The following SYNE2 variants were observed in gnomAD, a reference collection of about 807,000 sequenced individuals.
SYNE2 encodes the protein spectrin repeat containing nuclear envelope protein 2.
In SYNE2, 431 loss-of-function variants were observed where a neutral mutation model predicts 856.3. That is an observed-to-expected ratio of 0.50 (90% CI 0.47 to 0.55). The LOEUF (loss-of-function observed/expected upper bound fraction) is 0.55. Ranked by LOEUF, SYNE2 falls within the 20% of genes least tolerant of loss-of-function variation. The pLI, the probability that SYNE2 is intolerant of heterozygous loss-of-function variation, is 0.00. For missense variants in SYNE2, 8,129 were observed against 8,023.2 expected (o/e 1.01, Z -0.50); for synonymous variants, 2,923 against 2,872.3 (o/e 1.02, Z -0.56).
chr14:63,903,862 CTTTTA>C (rs1370781112), intron 1 of SYNE2, among the ~76,000 whole-genome samples: 4 of 145,400 alleles, frequency 2.8e-5, no homozygotes, highest in African/African-American at 1.0e-4. Context: ...TAAATTTCAA[CTTTTA>C]TTTTAGATAC....
intron 64 of SYNE2, among the ~76,000 whole-genome samples, chr14:64,103,574 G>A (rs975763567): frequency 1.3e-5 from 2 of 151,932 alleles, no homozygotes; most frequent in Non-Finnish European, 2.9e-5. Flanking sequence ...TCCTGTCCAG[G>A]GCTGACCCCT....
At position 64,190,242 on chromosome 14, in the gene SYNE2, G is replaced by A. The variant is rs1328692834; in HGVS notation, c.18038+5G>A. 1.2e-6 allele frequency: 2 copies of A among 1,613,880 alleles called. No individual in the cohort carries two copies. The highest frequency in any genetic ancestry group is 1.7e-6 in the Non-Finnish European group (2 of 1,180,020). ...TTTTGATGTCATCGGATCAAGGTAA[G>A]AAATGGGCTAAAAATGATTACTCTC... On this transcript the variant is annotated splice_donor_5th_base_variant and intron_variant, in intron 99 of 115. Coordinates refer to ENST00000555002, the MANE Select transcript of SYNE2 (RefSeq NM_182914.3).
intron 15 of SYNE2, 61 bp downstream of exon 15, chr14:63,980,793 GTT>G: frequency 7.9e-7 from 1 of 1,272,630 alleles, no homozygotes; most frequent in South Asian, 1.2e-5. Flanking sequence ...TGTTTTATCT[GTT>G]GTGCTTTCTA....
At position 63,996,965 on chromosome 14, in the gene SYNE2, G is replaced by C; in HGVS notation, c.2959G>C (p.Gly987Arg). ...CAATTAGGCCTGCTTTTCTGAGGAA[G>C]GCTGCCTGTACCAGCTTAATCACCA... ...KEHEACFSEE[G>R]CLYQLNHHME... is the part of the protein sequence containing the mutation. Residue 987 changes from glycine (G) to arginine (R), a missense_variant, in exon 24 of 116, where the codon GGC (glycine) becomes CGC (arginine). Gly to Arg is a moderately radical substitution (Grantham distance 125, BLOSUM62 -2). Transcript: ENST00000555002. 1 of 1,614,072 alleles carries C rather than the reference G, an allele frequency of 6.2e-7. No individual in the cohort carries two copies. The highest frequency in any genetic ancestry group is 8.5e-7 in the Non-Finnish European group (1 of 1,180,012).
At chr14:64,217,304 A>G (rs1385502437) in intron 108 of SYNE2, among the ~76,000 whole-genome samples, 1 of 151,210 alleles carries the variant, frequency 6.6e-6, no homozygotes, top group Non-Finnish European at 1.5e-5. Context: ...TTATTCCTGT[A>G]TTGGTTTGTT....
At chr14:64,221,296 G>A (rs535415079) in intron 111 of SYNE2, among the ~76,000 whole-genome samples, 30 of 152,246 alleles carry the variant, frequency 2.0e-4, no homozygotes, top group African/African-American at 2.4e-4. Context: ...TGAGGAATGC[G>A]TGTGGCCTTC....
chr14:64,021,615 CGAA>C (rs2096936664), intron 36 of SYNE2, 100 bp downstream of exon 36: 3 of 1,466,522 alleles, frequency 2.0e-6, no homozygotes, highest in South Asian at 1.2e-5. Flanking sequence ...AAAAAAAAGT[CGAA>C]GAAGAAAACT....
At chr14:63,843,682 A>C in intron 1 of SYNE2, among the ~76,000 whole-genome samples, 1 of 152,198 alleles carries the variant, frequency 6.6e-6, no homozygotes, top group African/African-American at 2.4e-5. Flanking sequence ...AAAAAACAGA[A>C]ATAGATACTG....
At chr14:64,176,487 C>T (rs1227350652) in intron 95 of SYNE2, among the ~76,000 whole-genome samples, 2 of 152,128 alleles carry the variant, frequency 1.3e-5, no homozygotes, top group Non-Finnish European at 2.9e-5. Flanking sequence ...AGGTGGTAGT[C>T]AGCACAGTGG....
chr14:63,930,931 A>G (rs1357546728), intron 2 of SYNE2, among the ~76,000 whole-genome samples: 1 of 152,184 alleles, frequency 6.6e-6, no homozygotes, highest in African/African-American at 2.4e-5. Flanking sequence ...CCCCTGATTT[A>G]TAGCCAAGTC....
At chr14:64,082,629 C>G (rs938914553) in intron 57 of SYNE2, among the ~76,000 whole-genome samples, 2 of 152,164 alleles carry the variant, frequency 1.3e-5, no homozygotes, top group Non-Finnish European at 1.5e-5. Context: ...AAGAGAACCC[C>G]AAGCTCCAGA....
chr14:64,215,374 T>A lies in SYNE2; in HGVS notation c.19402+20T>A. 3 of 1,612,770 alleles carry A rather than the reference T, an allele frequency of 1.9e-6. No individual in the cohort carries two copies. Among genetic ancestry groups the A allele is most frequent in the Non-Finnish European group, 2.5e-6 (3 of 1,178,924 alleles). On this transcript the variant is annotated intron_variant, in intron 107 of 115. Coordinates refer to ENST00000555002, the MANE Select transcript of SYNE2 (RefSeq NM_182914.3). ...CTTCTGGTAGGCCCCCGCCCATGCA[T>A]GTGTCAACATGGCAGCATCCTGTGG...
At chr14:63,979,301 T>TA (rs1011055059) in intron 14 of SYNE2, among the ~76,000 whole-genome samples, 6 of 152,254 alleles carry the variant, frequency 3.9e-5, no homozygotes, top group Admixed American at 2.0e-4. Context: ...TTTTTTTCAT[T>TA]AAAAATTCCG....
At chr14:63,872,272 T>TA (rs1170515689) in intron 1 of SYNE2, among the ~76,000 whole-genome samples, 2 of 150,318 alleles carry the variant, frequency 1.3e-5, no homozygotes, top group East Asian at 2.0e-4. Context: ...CTACTAAAAA[T>TA]AAAAAAAATT....
intron 102 of SYNE2, 34 bp from the exon 103 acceptor site, chr14:64,209,908 A>G (rs2098631016): frequency 2.5e-6 from 4 of 1,613,748 alleles, no homozygotes; most frequent in Middle Eastern, 1.6e-4. Context: ...GGCACTCTGC[A>G]TGCTTTGGCT....
At chr14:64,218,170 A>G (rs2098675933) in intron 108 of SYNE2, 2 of 500,418 alleles carry the variant, frequency 4.0e-6, no homozygotes, top group Non-Finnish European at 7.3e-6. Flanking sequence ...CTGACATCTC[A>G]TCTGCTTCCC....
intron 18 of SYNE2, 137 bp downstream of exon 18, chr14:63,984,023 C>G: frequency 3.1e-6 from 2 of 636,404 alleles, no homozygotes; most frequent in Non-Finnish European, 5.3e-6. Context: ...AGGTGGATGG[C>G]TTGAACTCAG....
At chr14:63,888,053 G>C (rs1313327105) in intron 1 of SYNE2, among the ~76,000 whole-genome samples, 1 of 152,040 alleles carries the variant, frequency 6.6e-6, no homozygotes, top group Non-Finnish European at 1.5e-5. Context: ...GTACCTGGCC[G>C]AGTCTTGGTT....
Position 64,082,057 on chromosome 14 carries a change from G to A in SYNE2, c.11484+477G>A, listed in dbSNP as rs147661165. On this transcript the variant is annotated intron_variant, in intron 57 of 115. Coordinates refer to ENST00000555002, the MANE Select transcript of SYNE2 (RefSeq NM_182914.3). Reference sequence around the variant, plus strand: ...GCCGAGATCGCACCACTGCACTCCAGCCTGGGCGACAAAGCAAGACTCCGT... The same window carrying A: ...GCCGAGATCGCACCACTGCACTCCAACCTGGGCGACAAAGCAAGACTCCGT... Among the ~76,000 whole-genome samples, 133 of 151,970 alleles carry A rather than the reference G, an allele frequency of 8.8e-4. No individual in the cohort carries two copies. In the East Asian group the frequency reaches 0.026, roughly 29 times the overall value.
Sources: allele counts gnomAD v4.1 joint callset (sites outside exome capture counted in the v4.1 genomes callset), GRCh38; gene constraint gnomAD v4.1.1; transcripts MANE v1.5; gene names NCBI Gene and HGNC (gene_info 2026-07-23, HGNC 2026-07-21).